Variants in ALG12 observed in about 807,000 individuals in gnomAD.
ALG12 encodes dol-P-Man:Man(7)GlcNAc(2)-PP-Dol alpha-1,6-mannosyltransferase.
ALG12 carries 36 observed loss-of-function variants against 46.0 expected under a neutral mutation model. The observed-to-expected ratio is 0.78, with a 90% confidence interval of 0.60 to 1.03. The LOEUF is 1.03. Among genes scored for constraint, ALG12 ranks in the 50% least tolerant of loss-of-function variants. ALG12 has a pLI of 0.00. For synonymous variants in ALG12, 326 were observed against 291.6 expected, an observed-to-expected ratio of 1.12 and a Z score of -1.20; for missense variants, 599 against 633.5, an observed-to-expected ratio of 0.95 and a Z score of 0.58.
At chr22:49,876,352 T>C in the ALG12 span, among the ~76,000 whole-genome samples, 1 of 152,218 alleles carries the variant, frequency 6.6e-6, no homozygotes, top group African/African-American at 2.4e-5. Context: ...ACCTGTTGGT[T>C]ACTTATTGAA....
the ALG12 span, among the ~76,000 whole-genome samples, chr22:49,859,522 C>T: frequency 7.2e-5 from 11 of 152,092 alleles, no homozygotes; most frequent in African/African-American, 2.7e-4. Context: ...TTTCCCAGGC[C>T]TGCGTCAGCT....
the ALG12 span, among the ~76,000 whole-genome samples, chr22:49,878,171 G>A: frequency 6.6e-6 from 1 of 152,114 alleles, no homozygotes; most frequent in Admixed American, 6.6e-5. Context: ...CAGACGTGGT[G>A]ACAGGCACCT....
chr22:49,891,623 A>G, the ALG12 span, among the ~76,000 whole-genome samples: 1 of 152,098 alleles, frequency 6.6e-6, no homozygotes, highest in Non-Finnish European at 1.5e-5. Context: ...CTTCCACCCA[A>G]GGTTCACTAT....
chr22:49,878,613 G>C, the ALG12 span, among the ~76,000 whole-genome samples: 1 of 152,144 alleles, frequency 6.6e-6, no homozygotes, highest in African/African-American at 2.4e-5. Context: ...ACTTCTAAAA[G>C]ACAACACAGA....
In ALG12 at chr22:49,904,368, C is replaced by G. The variant is rs746468248; in HGVS notation, c.1131G>C (p.Gln377His). 6.2e-7 allele frequency: 1 copy of G among 1,614,202 alleles called. No individual in the cohort carries two copies. Among genetic ancestry groups the G allele is most frequent in the Admixed American group, 1.7e-5 (1 of 60,030 alleles). The change falls in exon 8 of 10, where the codon CAG becomes CAC. Residue 377 changes from glutamine (Q) to histidine (H), a missense_variant. Physicochemically the swap from Gln to His is conservative, Grantham distance 24. Transcript: ENST00000330817. ...GGGGGGGCACCAGCTGGTGCAGCCT[C>G]TGCATTGCGACGCCACCTGGGTAGT... is the stretch of plus-strand genomic sequence containing the variant. ...HFNYPGGVAM[Q>H]RLHQLVPPQT...
chr22:49,872,642 G>T, the ALG12 span, among the ~76,000 whole-genome samples: 1 of 151,990 alleles, frequency 6.6e-6, no homozygotes, highest in South Asian at 2.1e-4. Flanking sequence ...CGAACCTCCC[G>T]TCTCAGCCTG....
the ALG12 span, among the ~76,000 whole-genome samples, chr22:49,893,207 C>T: frequency 1.3e-5 from 2 of 152,272 alleles, no homozygotes; most frequent in Middle Eastern, 3.4e-3. Flanking sequence ...ACACAGCTGA[C>T]GGGAGTCCCA....
chr22:49,869,431 T>G, the ALG12 span, among the ~76,000 whole-genome samples: 1 of 152,222 alleles, frequency 6.6e-6, no homozygotes. Context: ...GAGAACACTC[T>G]TGCGTGGACT....
At chr22:49,877,942 G>T in the ALG12 span, among the ~76,000 whole-genome samples, 2 of 152,134 alleles carry the variant, frequency 1.3e-5, no homozygotes, top group Non-Finnish European at 2.9e-5. Context: ...CCATTGTAGG[G>T]CTGTATCACA....
downstream of ALG12, among the ~76,000 whole-genome samples, chr22:49,899,802 T>C (rs1276518173): frequency 2.6e-5 from 4 of 151,840 alleles, no homozygotes; most frequent in Non-Finnish European, 5.9e-5. Flanking sequence ...TGGCTTATCA[T>C]GTGGTAGAGT....
chr22:49,918,074 T>C, intron 1 of ALG12, 189 bp downstream of exon 1: 1 of 111,946 alleles, frequency 8.9e-6, no homozygotes, highest in Non-Finnish European at 1.8e-5. Context: ...CAGCCCCAGG[T>C]GAGGAGCCCG....
the ALG12 span, among the ~76,000 whole-genome samples, chr22:49,864,941 C>CT: frequency 6.8e-5 from 1 of 14,804 alleles, no homozygotes. Flanking sequence ...CAGCAAGCCC[C>CT]CCCCCCCCCC....
chr22:49,918,030 C>T (rs1569180496), intron 1 of ALG12: 3 of 134,776 alleles, frequency 2.2e-5, no homozygotes, highest in African/African-American at 8.9e-5. Context: ...GGTCCGGCCC[C>T]CGGGTGAGAG....
the ALG12 span, among the ~76,000 whole-genome samples, chr22:49,878,567 C>G: frequency 6.6e-6 from 1 of 152,136 alleles, no homozygotes; most frequent in Non-Finnish European, 1.5e-5. Context: ...AAAAAATGAA[C>G]TTCAATCCTT....
the ALG12 span, among the ~76,000 whole-genome samples, chr22:49,874,785 C>T: frequency 2.1e-5 from 3 of 143,240 alleles, no homozygotes; most frequent in Admixed American, 7.2e-5. Context: ...CAGGTTCAAG[C>T]GATTCTCCTG....
In ALG12 at chr22:49,903,771, T is replaced by G. The variant is rs753856106; in HGVS notation, c.*67A>C. The G allele has an allele frequency of 4.3e-5, 66 of 1,531,028 alleles. No individual in the cohort carries two copies. In the South Asian group the frequency reaches 7.1e-4, roughly 16 times the overall value. The allele number at this position is 1,531,028 out of a possible 1,614,324, so 94.8% of individuals were successfully genotyped here. A position where few individuals can be genotyped will look rare whatever the true frequency, so the allele number is the denominator to read the frequency against. On this transcript the variant is annotated 3_prime_UTR_variant, in exon 10 of 10. Transcript: ENST00000330817. ...AATTGTCATAATTGTGCTGGAATTG[T>G]GCCAGAAACTGGTAGTGATAACAGC...
At position 49,903,302 on chromosome 22, in the gene ALG12, G is replaced by T; in HGVS notation, c.*536C>A. ...GTTTATCTCCTAAGATTTTATCTGTGATGGAGATGGGATGCCTGTGAATAC... is the reference window on the plus strand; with the variant it reads ...GTTTATCTCCTAAGATTTTATCTGTTATGGAGATGGGATGCCTGTGAATAC... On this transcript the variant is annotated 3_prime_UTR_variant, in exon 10 of 10. Coordinates refer to ENST00000330817, the MANE Select transcript of ALG12 (RefSeq NM_024105.4). 2 of 456,410 alleles carry T rather than the reference G, an allele frequency of 4.4e-6. No individual in the cohort carries two copies. Among genetic ancestry groups the T allele is most frequent in the South Asian group, 3.1e-5 (2 of 64,492 alleles). 28.3% of individuals were successfully genotyped at this position (456,410 alleles called of 1,614,324 possible).
chr22:49,897,081 G>A (rs967268460), downstream of ALG12, among the ~76,000 whole-genome samples: 3 of 151,778 alleles, frequency 2.0e-5, no homozygotes, highest in African/African-American at 7.3e-5. Flanking sequence ...ATATCAAATA[G>A]TTGGACTCAT....
the ALG12 span, chr22:49,883,600 A>C: frequency 6.8e-7 from 1 of 1,466,908 alleles, no homozygotes; most frequent in Non-Finnish European, 9.1e-7. Flanking sequence ...TCGGGGGCAC[A>C]AATGAGCACT....
Sources: allele counts gnomAD v4.1 joint callset (sites outside exome capture counted in the v4.1 genomes callset), GRCh38; gene constraint gnomAD v4.1.1; transcripts MANE v1.5; gene names NCBI Gene and HGNC (gene_info 2026-07-23, HGNC 2026-07-21).